HERC3: variants seen among roughly 807,000 people sequenced by gnomAD.
The protein encoded by HERC3 is HECT and RLD domain containing E3 ubiquitin protein ligase 3.
In HERC3, 58 loss-of-function variants were observed where a neutral mutation model predicts 129.9. That is an observed-to-expected ratio of 0.45 (90% CI 0.36 to 0.56). HERC3 has a LOEUF of 0.56. HERC3 is among the 20% of genes least tolerant of loss of function. The pLI is 0.00. For synonymous variants in HERC3, 430 were observed against 451.0 expected, an observed-to-expected ratio of 0.95 and a Z score of 0.59; for missense variants, 835 against 1,244.2, an observed-to-expected ratio of 0.67 and a Z score of 4.95.
intron 11 of HERC3, among the ~76,000 whole-genome samples, chr4:88,662,797 T>C (rs1175591904): frequency 6.6e-6 from 1 of 152,180 alleles, no homozygotes; most frequent in African/African-American, 2.4e-5. Context: ...GTTTATTGTA[T>C]GATCTTAAAA....
intron 2 of HERC3, among the ~76,000 whole-genome samples, chr4:88,601,025 C>T (rs1265390735): frequency 6.6e-6 from 1 of 152,184 alleles, no homozygotes; most frequent in Non-Finnish European, 1.5e-5. Flanking sequence ...CACCAACCAC[C>T]ACCACCACTA....
the HERC3 span, among the ~76,000 whole-genome samples, chr4:88,528,558 C>T: frequency 2.0e-5 from 3 of 152,094 alleles, no homozygotes; most frequent in Admixed American, 6.6e-5. Flanking sequence ...GCCCAGTCTG[C>T]TCTCCAAAGT....
At chr4:88,590,639 T>A (rs1721651491), upstream of HERC3, among the ~76,000 whole-genome samples, 1 of 152,208 alleles carries the variant, frequency 6.6e-6, no homozygotes, top group Admixed American at 6.5e-5. Context: ...CAAACACTGA[T>A]TGATTACAAA....
At chr4:88,663,548 C>T (rs1730727782) in intron 11 of HERC3, among the ~76,000 whole-genome samples, 1 of 152,128 alleles carries the variant, frequency 6.6e-6, no homozygotes, top group South Asian at 2.1e-4. Context: ...GTAATCCCCT[C>T]CCCAGCTGTA....
intron 3 of HERC3, among the ~76,000 whole-genome samples, chr4:88,631,815 A>G (rs1405529419): frequency 6.6e-6 from 1 of 152,224 alleles, no homozygotes; most frequent in Non-Finnish European, 1.5e-5. Context: ...GTCTTATTTA[A>G]AAAATCTGGC....
chr4:88,632,912 AC>A (rs1243464361), intron 3 of HERC3, among the ~76,000 whole-genome samples: 1 of 152,164 alleles, frequency 6.6e-6, no homozygotes, highest in Non-Finnish European at 1.5e-5. Context: ...AGCAAGATAA[AC>A]CCAAAGAAGC....
the HERC3 span, among the ~76,000 whole-genome samples, chr4:88,568,416 C>G: frequency 1.3e-5 from 2 of 152,174 alleles, no homozygotes; most frequent in African/African-American, 2.4e-5. Context: ...ATCCATGAGC[C>G]AGGGCCTGGA....
intron 16 of HERC3, among the ~76,000 whole-genome samples, chr4:88,670,781 G>A (rs1270327690): frequency 6.6e-6 from 1 of 151,934 alleles, no homozygotes; most frequent in East Asian, 1.9e-4. Context: ...CTCAAAACTT[G>A]GAAGATCTGG....
the HERC3 span, among the ~76,000 whole-genome samples, chr4:88,533,762 C>T: frequency 6.6e-6 from 1 of 152,212 alleles, no homozygotes; most frequent in Admixed American, 6.5e-5. Context: ...TAACTTCATA[C>T]ATAGTCCTAA....
At position 88,654,348 on chromosome 4, in the gene HERC3, TCATATATATATATATATATA is replaced by T. The variant is rs1486262322; in HGVS notation, c.777+216_777+235del. On this transcript the variant is annotated intron_variant, in intron 7 of 25. Transcript: ENST00000402738. ...CCTCTTTGGTAATCTTGTAGATTTT[TCATATATATATATATATATA>T]TATATATATATATATATATACACAC... is the stretch of plus-strand genomic sequence containing the variant. Among the ~76,000 whole-genome samples, 308 of 109,654 alleles carry T rather than the reference TCATATATATATATATATATA, an allele frequency of 2.8e-3. 2 individuals carry two copies. Among genetic ancestry groups the T allele is most frequent in the African/African-American group, 8.4e-3 (265 of 31,486 alleles). 71.9% of individuals were successfully genotyped at this position (109,654 alleles called of 152,430 possible). A position where few individuals can be genotyped will look rare whatever the true frequency, so the allele number is the denominator to read the frequency against.
At chr4:88,550,572 T>G in the HERC3 span, among the ~76,000 whole-genome samples, 1,302 of 152,168 alleles carry the variant, frequency 8.6e-3, 17 homozygotes, top group African/African-American at 0.029. Context: ...GAATCCAACT[T>G]ACAAGGGACG....
At chr4:88,655,402 T>C in intron 8 of HERC3, 98 bp downstream of exon 8, 1 of 1,371,398 alleles carries the variant, frequency 7.3e-7, no homozygotes, top group East Asian at 2.3e-5. Flanking sequence ...GTCACCGTCA[T>C]TTTAAGAGAT....
At chr4:88,652,154 G>T (rs1457394945) in intron 5 of HERC3, 66 bp downstream of exon 5, 4 of 1,224,472 alleles carry the variant, frequency 3.3e-6, no homozygotes, top group Non-Finnish European at 4.8e-6. Flanking sequence ...TTGTCTTTTT[G>T]TGTGATATTA....
the HERC3 span, among the ~76,000 whole-genome samples, chr4:88,582,961 G>A: frequency 6.6e-6 from 1 of 152,126 alleles, no homozygotes; most frequent in Non-Finnish European, 1.5e-5. Flanking sequence ...CATATTTTGT[G>A]TGCCTCTTGT....
At chr4:88,651,566 A>G (rs1366474335) in intron 4 of HERC3, among the ~76,000 whole-genome samples, 2 of 152,196 alleles carry the variant, frequency 1.3e-5, no homozygotes, top group Admixed American at 6.5e-5. Context: ...CTTGCACTGT[A>G]TGGACTCCCT....
intron 3 of HERC3, among the ~76,000 whole-genome samples, chr4:88,635,481 C>A (rs1232510600): frequency 2.6e-5 from 4 of 151,834 alleles, no homozygotes; most frequent in Admixed American, 2.6e-4. Flanking sequence ...TGAACAAAAC[C>A]TCTGAGAAAT....
chr4:88,674,355 G>C (rs2149307282), intron 16 of HERC3, among the ~76,000 whole-genome samples: 1 of 152,316 alleles, frequency 6.6e-6, no homozygotes, highest in South Asian at 2.1e-4. Flanking sequence ...TAAAATGTCA[G>C]TATGTACTTA....
intron 12 of HERC3, among the ~76,000 whole-genome samples, chr4:88,666,082 G>A (rs1159510711): frequency 6.6e-6 from 1 of 152,202 alleles, no homozygotes; most frequent in East Asian, 1.9e-4. Context: ...AAAGTCAATA[G>A]TACCAAGGTT....
chr4:88,539,206 C>T, the HERC3 span, among the ~76,000 whole-genome samples: 46 of 152,322 alleles, frequency 3.0e-4, no homozygotes, highest in African/African-American at 1.1e-3. Flanking sequence ...AAAAACAGTA[C>T]ACTCTCGCCC....
Sources: gnomAD v4.1 joint callset for allele counts (sites outside exome capture counted in the v4.1 genomes callset) on GRCh38, gnomAD v4.1.1 for gene constraint, MANE v1.5 for transcripts, NCBI Gene and HGNC (gene_info 2026-07-23, HGNC 2026-07-21) for gene names.